The following CAPN2 variants were observed in gnomAD, a reference collection of about 807,000 sequenced individuals.
The protein encoded by CAPN2 is calpain-2 catalytic subunit.
Under a neutral mutation model 102.3 loss-of-function variants are expected in CAPN2, and 92 were observed. The observed-to-expected ratio is 0.90, with a 90% CI of 0.76 to 1.07. The LOEUF (loss-of-function observed/expected upper bound fraction) is 1.07, where lower values mean the gene tolerates loss of function less well. CAPN2 is among the 50% of genes least tolerant of loss of function. The pLI, the probability that CAPN2 is intolerant of heterozygous loss-of-function variation, is 0.00. For missense variants in CAPN2, 800 were observed against 909.4 expected (o/e 0.88, Z 1.55); for synonymous variants, 340 against 355.4 (o/e 0.96, Z 0.49).
chr1:223,761,644 CACT>C, intron 13 of CAPN2, 27 bp downstream of exon 13: 2 of 1,597,704 alleles, frequency 1.3e-6, no homozygotes, highest in South Asian at 1.1e-5. Flanking sequence ...GAATTTCACC[CACT>C]CTGTCCTGGA....
chr1:223,752,119 C>G (rs764753608), intron 8 of CAPN2, 48 bp downstream of exon 8: 1 of 1,315,780 alleles, frequency 7.6e-7, no homozygotes, highest in South Asian at 1.2e-5. Context: ...CCCCAATGTT[C>G]TTTACTAGAA....
chr1:223,729,045 A>T (rs1571789553), intron 2 of CAPN2, among the ~76,000 whole-genome samples: 1 of 152,182 alleles, frequency 6.6e-6, no homozygotes, highest in Admixed American at 6.5e-5. Flanking sequence ...TTAACTCATC[A>T]CCAAGCCGCC....
In CAPN2 at chr1:223,756,423, G is replaced by A. The variant is rs923491821; in HGVS notation, c.1305+774G>A. 2.2e-4 allele frequency among the ~76,000 whole-genome samples: 33 copies of A among 152,284 alleles called. No individual in the cohort carries two copies. Among genetic ancestry groups the A allele is most frequent in the Admixed American group, 1.0e-3 (16 of 15,292 alleles). On this transcript the variant is annotated intron_variant, in intron 10 of 20. Transcript: ENST00000295006. This position sits in a 1 kb window ranked among gnomAD's most constrained non-coding sequence, Gnocchi z 4.1. Reference sequence around the variant, plus strand: ...TGATGGGCTGGAGCTGGCTCCTCCCGGCTCCCAAAGCCCATCTCTTTTCTC... The same window carrying A: ...TGATGGGCTGGAGCTGGCTCCTCCCAGCTCCCAAAGCCCATCTCTTTTCTC...
upstream of CAPN2, among the ~76,000 whole-genome samples, chr1:223,709,942 C>T (rs1479001731): frequency 1.4e-4 from 22 of 152,160 alleles, no homozygotes; most frequent in Admixed American, 1.4e-3. Flanking sequence ...CTATACATTG[C>T]TACAGTTATA....
chr1:223,760,429 A>G (rs779717614), intron 12 of CAPN2, among the ~76,000 whole-genome samples: 1 of 152,206 alleles, frequency 6.6e-6, no homozygotes, highest in African/African-American at 2.4e-5. Context: ...ATAATTTCCC[A>G]TGGCGAAGGG....
Position 223,755,343 on chromosome 1 carries a change from A to C in CAPN2, c.1136-137A>C. ...CTCCCACCATCCCCCACCACCTCTTACCATCTCCCACCACCTCCCACCATC... is the reference window on the plus strand; with the variant it reads ...CTCCCACCATCCCCCACCACCTCTTCCCATCTCCCACCACCTCCCACCATC... On this transcript the variant is annotated intron_variant, in intron 9 of 20. Coordinates refer to ENST00000295006, the MANE Select transcript of CAPN2 (RefSeq NM_001748.5). This position sits in a 1 kb window ranked among gnomAD's most constrained non-coding sequence, Gnocchi z 4.1. The C allele has an allele frequency of 1.3e-6, 1 of 768,058 alleles. No homozygotes were observed. Among genetic ancestry groups the C allele is most frequent in the South Asian group, 1.8e-5 (1 of 56,856 alleles). The allele number at this position is 768,058 out of a possible 1,614,324, so 47.6% of individuals were successfully genotyped here. A position where few individuals can be genotyped will look rare whatever the true frequency, so the allele number is the denominator to read the frequency against.
chr1:223,728,153 C>G (rs775722323), intron 2 of CAPN2, among the ~76,000 whole-genome samples: 3 of 152,148 alleles, frequency 2.0e-5, no homozygotes, highest in Admixed American at 6.6e-5. Context: ...CACCCCAAAA[C>G]AAATGGCTTG....
At chr1:223,772,147 T>G in intron 19 of CAPN2, 34 bp from the exon 20 acceptor site, 1 of 1,601,042 alleles carries the variant, frequency 6.2e-7, no homozygotes, top group Non-Finnish European at 8.6e-7. Flanking sequence ...TTCAGCTCAC[T>G]CACTTGTGAC....
At position 223,754,403 on chromosome 1, in the gene CAPN2, T is replaced by G. The variant is rs1187465020; in HGVS notation, c.1136-1077T>G. On this transcript the variant is annotated intron_variant, in intron 9 of 20. Coordinates refer to ENST00000295006, the MANE Select transcript of CAPN2 (RefSeq NM_001748.5). This position sits in a 1 kb window ranked among gnomAD's most constrained non-coding sequence, Gnocchi z 4.7. ...GGAAAACTCCCTCTAAAGGGTCAGA[T>G]AGTAAATAATTTTGGCTTTGTGGGC... Among the ~76,000 whole-genome samples the G allele has an allele frequency of 6.6e-6, 1 of 152,174 alleles. No homozygotes were observed. Among genetic ancestry groups the G allele is most frequent in the Admixed American group, 6.5e-5 (1 of 15,282 alleles).
At position 223,759,486 on chromosome 1, in the gene CAPN2, G is replaced by T; in HGVS notation, c.1529+5G>T. 1 of 1,613,326 alleles carries T rather than the reference G, an allele frequency of 6.2e-7. No homozygotes were observed. Among genetic ancestry groups the T allele is most frequent in the Non-Finnish European group, 8.5e-7 (1 of 1,179,732 alleles). Reference sequence around the variant, plus strand: ...TGAAAAGAAAGCTGACTACCAGTAGGCGGTTTGGTCCCTTCCTCTCCCCAC... The same window carrying T: ...TGAAAAGAAAGCTGACTACCAGTAGTCGGTTTGGTCCCTTCCTCTCCCCAC... On this transcript the variant is annotated splice_donor_5th_base_variant and intron_variant, in intron 12 of 20. Transcript: ENST00000295006. The surrounding 1 kb of genome is among the most constrained non-coding windows in gnomAD (Gnocchi z 4.6).
chr1:223,772,100 T>G, intron 19 of CAPN2, 81 bp from the exon 20 acceptor site: 1 of 1,346,914 alleles, frequency 7.4e-7, no homozygotes, highest in Non-Finnish European at 1.1e-6. Context: ...GTCAGTGAAG[T>G]CAGTTGCTGA....
chr1:223,766,317 G>C, intron 15 of CAPN2, 50 bp from the exon 16 acceptor site: 1 of 1,352,316 alleles, frequency 7.4e-7, no homozygotes, highest in South Asian at 1.2e-5. Flanking sequence ...AAGTTCAGTT[G>C]GACATCACCG....
chr1:223,761,250 A>G (rs1260224344), intron 12 of CAPN2, among the ~76,000 whole-genome samples: 1 of 152,246 alleles, frequency 6.6e-6, no homozygotes, highest in Non-Finnish European at 1.5e-5. Flanking sequence ...CTAGCAAACA[A>G]AAATCTCCAG....
chr1:223,733,391 C>G (rs551660666), intron 2 of CAPN2, among the ~76,000 whole-genome samples: 1 of 152,330 alleles, frequency 6.6e-6, no homozygotes, highest in East Asian at 1.9e-4. Flanking sequence ...GCCTGTCACA[C>G]AGCCAACCTT....
Position 223,747,163 on chromosome 1 carries a change from GACGTA to G in CAPN2, c.729_729+4del. On this transcript the variant is annotated splice_donor_variant and splice_donor_region_variant and coding_sequence_variant and intron_variant, in exon 5 of 21. Coordinates refer to ENST00000295006, the MANE Select transcript of CAPN2 (RefSeq NM_001748.5). LOFTEE classifies it high-confidence loss of function. ...AGGCTCTCTCCTTGGCTGCTCCATC[GACGTA>G]AGTCCAGGCTGCCTTCCCTAGCCTC... 4 of 1,611,714 alleles carry G rather than the reference GACGTA, an allele frequency of 2.5e-6. No homozygotes were observed. The highest frequency in any genetic ancestry group is 3.4e-6 in the Non-Finnish European group (4 of 1,178,574).
intron 11 of CAPN2, 70 bp downstream of exon 11, chr1:223,757,450 A>C: frequency 3.2e-6 from 5 of 1,576,000 alleles, no homozygotes; most frequent in African/African-American, 1.3e-5. Flanking sequence ...GCTGGAGCTC[A>C]GGGAGCGTCG....
chr1:223,764,296 C>T, intron 15 of CAPN2, 89 bp downstream of exon 15: 1 of 1,114,040 alleles, frequency 9.0e-7, no homozygotes, highest in South Asian at 1.2e-5. Flanking sequence ...CCATGTCTGG[C>T]TGCTGTGACT....
At chr1:223,740,281 C>G (rs763351888) in intron 2 of CAPN2, among the ~76,000 whole-genome samples, 21 of 152,176 alleles carry the variant, frequency 1.4e-4, no homozygotes, top group Non-Finnish European at 2.6e-4. Context: ...AAAGAAATAG[C>G]ACTTGAACAT....
At chr1:223,729,801 G>C (rs370107748) in intron 2 of CAPN2, among the ~76,000 whole-genome samples, 3 of 152,078 alleles carry the variant, frequency 2.0e-5, no homozygotes, top group East Asian at 1.9e-4. Context: ...TCAGGAGTTC[G>C]AGCCTGGCCT....
Sources: gnomAD v4.1 joint callset for allele counts (sites outside exome capture counted in the v4.1 genomes callset) on GRCh38, gnomAD v4.1.1 for gene constraint, Gnocchi (gnomAD v3.1) non-coding constraint, MANE v1.5 for transcripts, NCBI Gene and HGNC (gene_info 2026-07-23, HGNC 2026-07-21) for gene names.